The following ITPR2 variants were observed in gnomAD, a reference collection of about 807,000 sequenced individuals.
ITPR2 encodes the protein inositol 1,4,5-trisphosphate-gated calcium channel ITPR2.
Under a neutral mutation model 317.1 loss-of-function variants are expected in ITPR2, and 207 were observed. The ratio of observed to expected loss-of-function variants is 0.65; its 90% CI spans 0.58 to 0.73. The LOEUF is 0.73. ITPR2 is among the 30% of genes least tolerant of loss of function. The pLI is 0.00. For missense variants in ITPR2, 2,613 were observed against 3,284.0 expected, an observed-to-expected ratio of 0.80 and a Z score of 4.99; for synonymous variants, 1,156 against 1,149.1, an observed-to-expected ratio of 1.01 and a Z score of -0.12.
intron 37 of ITPR2, among the ~76,000 whole-genome samples, chr12:26,527,426 A>G (rs1461369699): frequency 6.6e-6 from 1 of 152,236 alleles, no homozygotes; most frequent in Non-Finnish European, 1.5e-5. Context: ...ACCACCAATC[A>G]GTATAGTTCT....
chr12:26,339,484 C>T lies in ITPR2; in HGVS notation c.8020-1G>A. 6.2e-7 allele frequency: 1 copy of T among 1,613,342 alleles called. No homozygotes were observed. The highest frequency in any genetic ancestry group is 8.5e-7 in the Non-Finnish European group (1 of 1,179,440). ...GCTTATTCTTCCTTTGTTCTGTCATCTGGGGGAAAAGAGAGAGTGTGTGTT... is the reference window on the plus strand; with the variant it reads ...GCTTATTCTTCCTTTGTTCTGTCATTTGGGGGAAAAGAGAGAGTGTGTGTT... On this transcript the variant is annotated splice_acceptor_variant, in intron 56 of 56. Transcript: ENST00000381340. LOFTEE classifies it high-confidence loss of function.
chr12:26,533,967 A>C (rs1489309110), intron 37 of ITPR2, among the ~76,000 whole-genome samples: 1 of 152,176 alleles, frequency 6.6e-6, no homozygotes, highest in African/African-American at 2.4e-5. Flanking sequence ...GATTCCCCCT[A>C]GGTGTCAGTT....
chr12:26,460,047 G>A (rs1941978604), intron 45 of ITPR2, among the ~76,000 whole-genome samples: 1 of 152,134 alleles, frequency 6.6e-6, no homozygotes, highest in Non-Finnish European at 1.5e-5. Flanking sequence ...TCAACTTATG[G>A]CATTCCCAGA....
chr12:26,575,780 A>T (rs1945261336), intron 34 of ITPR2, among the ~76,000 whole-genome samples: 1 of 152,330 alleles, frequency 6.6e-6, no homozygotes, highest in South Asian at 2.1e-4. Flanking sequence ...AATCTCTGCA[A>T]TTCTATGCAT....
rs1267568704 is a variant in ITPR2 at position 26,647,195 on chromosome 12, T to C, written c.2740+6781A>G. 4.6e-5 allele frequency among the ~76,000 whole-genome samples: 7 copies of C among 152,356 alleles called. No individual in the cohort carries two copies. In the East Asian group the frequency reaches 1.3e-3, roughly 29 times the overall value. ...CAGCAAGCACAGATAGGTAGAAGGA[T>C]ATTAACAGGATAACTAAATAACAAA... On this transcript the variant is annotated intron_variant, in intron 21 of 56. Transcript: ENST00000381340.
At chr12:26,457,533 C>T (rs993694765) in intron 45 of ITPR2, among the ~76,000 whole-genome samples, 2 of 152,208 alleles carry the variant, frequency 1.3e-5, no homozygotes, top group Non-Finnish European at 2.9e-5. Context: ...TGTTAGAGAA[C>T]ACTCTACAGA....
In ITPR2 at chr12:26,659,717, A is replaced by T. The variant is rs565572828; in HGVS notation, c.1714-432T>A. On this transcript the variant is annotated intron_variant, in intron 15 of 56. Transcript: ENST00000381340. ...TCAGTCTAACAGAGGCTTTTCTTCT[A>T]TCTCTTACTTAAAGTCATAGCCAAT... Among the ~76,000 whole-genome samples, 14 of 152,318 alleles carry T rather than the reference A, an allele frequency of 9.2e-5. 1 individual carries two copies. In the South Asian group the frequency reaches 2.9e-3, roughly 32 times the overall value.
At chr12:26,484,403 T>G (rs868253109) in intron 41 of ITPR2, among the ~76,000 whole-genome samples, 5 of 152,240 alleles carry the variant, frequency 3.3e-5, no homozygotes, top group African/African-American at 4.8e-5. Flanking sequence ...GAAGGGCAAC[T>G]GGAAGTATCT....
chr12:26,556,422 T>A lies in ITPR2; in HGVS notation c.4822-47A>T, dbSNP rs1415014240. Reference sequence around the variant, plus strand: ...AACCCACATGAAGGCGTAAGTCAGATTTCATCTTTCGAAGATAAGACAAGC... The same window carrying A: ...AACCCACATGAAGGCGTAAGTCAGAATTCATCTTTCGAAGATAAGACAAGC... On this transcript the variant is annotated intron_variant, in intron 35 of 56. Transcript: ENST00000381340. The A allele has an allele frequency of 6.4e-6, 10 of 1,570,054 alleles. No homozygotes were observed. The Admixed American group carries it at 9.5e-5, about 15-fold the overall frequency.
intron 21 of ITPR2, among the ~76,000 whole-genome samples, chr12:26,638,933 T>C (rs893548843): frequency 6.6e-6 from 1 of 152,204 alleles, no homozygotes; most frequent in East Asian, 1.9e-4. Flanking sequence ...AATTAGAATT[T>C]TAGTTGAGTT....
In ITPR2 at chr12:26,762,130, C is replaced by T. The variant is rs555681441; in HGVS notation, c.163+28027G>A. Among the ~76,000 whole-genome samples the T allele has an allele frequency of 2.6e-5, 4 of 152,072 alleles. No individual in the cohort carries two copies. The South Asian group carries it at 6.2e-4, about 24-fold the overall frequency. ...ATCAAGAGAACTGATATAGGAATTA[C>T]GGGGTCCCAGAAGGAATAGAGAAAG... On this transcript the variant is annotated intron_variant, in intron 2 of 56. Coordinates refer to ENST00000381340, the MANE Select transcript of ITPR2 (RefSeq NM_002223.4).
In ITPR2 at chr12:26,516,265, A is replaced by AGGAAAGGAAAGGAAGGGAAAGGAAG. The variant is rs1565574484; in HGVS notation, c.5074-21006_5074-21005insCTTCCTTTCCCTTCCTTTCCTTTCC. Among the ~76,000 whole-genome samples the AGGAAAGGAAAGGAAGGGAAAGGAAG allele has an allele frequency of 2.3e-3, 78 of 34,450 alleles. 2 individuals carry two copies. Among genetic ancestry groups the AGGAAAGGAAAGGAAGGGAAAGGAAG allele is most frequent in the Non-Finnish European group, 4.0e-3 (58 of 14,612 alleles). The allele number at this position is 34,450 out of a possible 152,430, so 22.6% of individuals were successfully genotyped here. Reference sequence around the variant, plus strand: ...AGGAAAGGAAAGGAAAGGAAAGGAAAGGAAAGGAAGGGAAGGGAAGGGAAA... The same window carrying AGGAAAGGAAAGGAAGGGAAAGGAAG: ...AGGAAAGGAAAGGAAAGGAAAGGAAAGGAAAGGAAAGGAAGGGAAAGGAAGGGAAAGGAAGGGAAGGGAAGGGAAA... On this transcript the variant is annotated intron_variant, in intron 37 of 56. Transcript: ENST00000381340.
intron 55 of ITPR2, among the ~76,000 whole-genome samples, chr12:26,373,035 A>G (rs1000843198): frequency 5.9e-5 from 9 of 152,202 alleles, no homozygotes; most frequent in African/African-American, 2.2e-4. Flanking sequence ...AATCATGTGG[A>G]CTGCATAACA....
chr12:26,572,193 C>T (rs1357036178), intron 34 of ITPR2, among the ~76,000 whole-genome samples: 1 of 152,096 alleles, frequency 6.6e-6, no homozygotes, highest in Non-Finnish European at 1.5e-5. Flanking sequence ...TAATTTTGCA[C>T]CTGAGTTGTA....
In ITPR2 at chr12:26,657,697, A is replaced by G. The variant is rs773638070; in HGVS notation, c.2192+10T>C. ...TGGGAATTATTGTAAGATTGTCTAT[A>G]ATACTTAACCTGTAATAGGTAAGAA... is the stretch of plus-strand genomic sequence containing the variant. On this transcript the variant is annotated intron_variant, in intron 18 of 56. Coordinates refer to ENST00000381340, the MANE Select transcript of ITPR2 (RefSeq NM_002223.4). The G allele has an allele frequency of 1.2e-6, 2 of 1,610,004 alleles. No homozygotes were observed. The highest frequency in any genetic ancestry group is 1.7e-4 in the Middle Eastern group (1 of 6,054).
chr12:26,454,608 G>GA (rs950044661), intron 45 of ITPR2, among the ~76,000 whole-genome samples: 45 of 152,114 alleles, frequency 3.0e-4, no homozygotes, highest in African/African-American at 1.1e-3. Flanking sequence ...TGTTTCTGGT[G>GA]ATTTTTTTTT....
intron 55 of ITPR2, among the ~76,000 whole-genome samples, chr12:26,340,886 C>T (rs1260723102): frequency 1.3e-5 from 2 of 152,130 alleles, no homozygotes; most frequent in African/African-American, 4.8e-5. Flanking sequence ...TCTGTCTGCT[C>T]CCTTTGGAAA....
chr12:26,754,980 GCTTA>G (rs1592098633), intron 2 of ITPR2, among the ~76,000 whole-genome samples: 1 of 152,106 alleles, frequency 6.6e-6, no homozygotes, highest in African/African-American at 2.4e-5. Context: ...GTGATATCTG[GCTTA>G]CTTGATATTA....
intron 36 of ITPR2, 133 bp downstream of exon 36, chr12:26,556,100 A>G: frequency 1.4e-6 from 1 of 721,240 alleles, no homozygotes; most frequent in South Asian, 3.3e-5. Context: ...CTGGCAGTAT[A>G]TTTTAACATG....
Sources: gnomAD v4.1 joint callset for allele counts (sites outside exome capture counted in the v4.1 genomes callset) on GRCh38, gnomAD v4.1.1 for gene constraint, MANE v1.5 for transcripts, NCBI Gene and HGNC (gene_info 2026-07-23, HGNC 2026-07-21) for gene names.